The following CFAP206 variants were observed in gnomAD, a reference collection of about 807,000 sequenced individuals.
The protein encoded by CFAP206 is cilia- and flagella-associated protein 206.
CFAP206 carries 53 observed loss-of-function variants against 65.4 expected under a neutral mutation model. The observed-to-expected ratio is 0.81, with a 90% CI of 0.65 to 1.02. The LOEUF is 1.02. Ranked by LOEUF, CFAP206 falls within the 50% of genes least tolerant of loss-of-function variation. The pLI is 0.00. For synonymous variants in CFAP206, 250 were observed against 254.4 expected, an observed-to-expected ratio of 0.98 and a Z score of 0.17; for missense variants, 663 against 753.2, an observed-to-expected ratio of 0.88 and a Z score of 1.40.
intron 7 of CFAP206, among the ~76,000 whole-genome samples, chr6:87,422,055 A>G (rs1295680326): frequency 6.6e-6 from 1 of 152,170 alleles, no homozygotes; most frequent in Non-Finnish European, 1.5e-5. Flanking sequence ...GAAGAAGACA[A>G]AGAAACATGC....
intron 4 of CFAP206, among the ~76,000 whole-genome samples, chr6:87,415,316 ATATT>A (rs1217980827): frequency 2.0e-5 from 3 of 150,006 alleles, no homozygotes; most frequent in Non-Finnish European, 3.0e-5. Context: ...TAATATGTAT[ATATT>A]TATTTTTTCA....
intron 1 of CFAP206, chr6:87,408,430 CCTAG>C (rs1767664742): frequency 6.6e-6 from 1 of 152,280 alleles, no homozygotes; most frequent in Admixed American, 6.5e-5. Context: ...GAGCCGCGTC[CCTAG>C]CGACCCGGCA....
At position 87,464,140 on chromosome 6, in the gene CFAP206, A is replaced by C. The variant is rs1217710202; in HGVS notation, c.1759A>C (p.Ser587Arg). Reference sequence around the variant, plus strand: ...TAGCACCCAGTCCATGAGGGAAGACAGCACTGGGGTGCCCAGGCCTCAGAT... The same window carrying C: ...TAGCACCCAGTCCATGAGGGAAGACCGCACTGGGGTGCCCAGGCCTCAGAT... ...DTSTQSMRED[S>R]TGVPRPQIYL... The change falls in exon 13 of 13, where the codon AGC (serine) becomes CGC (arginine). Residue 587 changes from serine (S) to arginine (R), a missense_variant. By Grantham distance (110) the Ser-to-Arg change is moderately radical (BLOSUM62 -1). Transcript: ENST00000369562. 6.2e-7 allele frequency: 1 copy of C among 1,614,220 alleles called. No homozygotes were observed. The highest frequency in any genetic ancestry group is 1.7e-5 in the Admixed American group (1 of 60,020).
In CFAP206 at chr6:87,418,351, C is replaced by T. The variant is rs1276066927; in HGVS notation, c.775C>T (p.Pro259Ser). 3 of 1,613,964 alleles carry T rather than the reference C, an allele frequency of 1.9e-6. No homozygotes were observed. The highest frequency in any genetic ancestry group is 2.5e-6 in the Non-Finnish European group (3 of 1,180,040). ...CCCACTCATGAGGGCTGAACTTCAG[C>T]CATATATGTTAAAAGAAGCGCTATA... is the stretch of plus-strand genomic sequence containing the variant. ...NDPLMRAELQPYMLKEALYNI... is the reference protein window; with the variant it reads ...NDPLMRAELQSYMLKEALYNI... Residue 259 changes from proline to serine, a missense_variant, in exon 7 of 13, where the codon CCA becomes TCA. By Grantham distance (74) the Pro-to-Ser change is moderately conservative. Transcript: ENST00000369562.
At chr6:87,438,481 A>G (rs1361632321) in intron 11 of CFAP206, among the ~76,000 whole-genome samples, 1 of 150,038 alleles carries the variant, frequency 6.7e-6, no homozygotes, top group African/African-American at 2.5e-5. Flanking sequence ...AAAAAAAAAG[A>G]TCATTATTCT....
rs764413218 is a variant in CFAP206 at position 87,409,817 on chromosome 6, AATTG to A, written c.-5-17_-5-14del. On this transcript the variant is annotated splice_polypyrimidine_tract_variant and intron_variant, in intron 1 of 12. Coordinates refer to ENST00000369562, the MANE Select transcript of CFAP206 (RefSeq NM_001031743.3). Reference sequence around the variant, plus strand: ...ATAAAACCACGGTTTTTTTAAAAAAAATTGTTGTTTTATTTAGCCAGAATGCCTC... The same window carrying A: ...ATAAAACCACGGTTTTTTTAAAAAAATTGTTTTATTTAGCCAGAATGCCTC... 6 of 1,546,218 alleles carry A rather than the reference AATTG, an allele frequency of 3.9e-6. No homozygotes were observed. The highest frequency in any genetic ancestry group is 5.3e-6 in the Non-Finnish European group (6 of 1,133,570).
intron 11 of CFAP206, among the ~76,000 whole-genome samples, chr6:87,449,436 C>CAAA (rs34540279): frequency 6.2e-4 from 33 of 52,958 alleles, no homozygotes; most frequent in East Asian, 1.6e-3. Flanking sequence ...GACTCCATCT[C>CAAA]AAAAAAAAAA....
At chr6:87,449,206 G>T (rs988108529) in intron 11 of CFAP206, among the ~76,000 whole-genome samples, 1 of 152,186 alleles carries the variant, frequency 6.6e-6, no homozygotes, top group Non-Finnish European at 1.5e-5. Flanking sequence ...GGAGGCCGAG[G>T]TGGGCAGATT....
chr6:87,453,283 A>G (rs1424088891), intron 11 of CFAP206, among the ~76,000 whole-genome samples: 2 of 152,196 alleles, frequency 1.3e-5, no homozygotes, highest in Admixed American at 1.3e-4. Context: ...TCCCAGACAA[A>G]CAAAAGCTGA....
At chr6:87,439,583 AT>A (rs1451852985) in intron 11 of CFAP206, among the ~76,000 whole-genome samples, 1 of 151,724 alleles carries the variant, frequency 6.6e-6, no homozygotes, top group Non-Finnish European at 1.5e-5. Context: ...ATTTGTCATT[AT>A]TTTTTCTTCA....
chr6:87,449,221 G>A (rs760270304), intron 11 of CFAP206, among the ~76,000 whole-genome samples: 12 of 152,006 alleles, frequency 7.9e-5, no homozygotes, highest in Non-Finnish European at 1.8e-4. Flanking sequence ...CAGATTATGA[G>A]GTCAGGAGAT....
At chr6:87,430,115 AG>A (rs753608786) in intron 9 of CFAP206, among the ~76,000 whole-genome samples, 3 of 152,196 alleles carry the variant, frequency 2.0e-5, no homozygotes, top group Non-Finnish European at 4.4e-5. Flanking sequence ...TGGTCAAGCC[AG>A]TGTTGTTCTA....
chr6:87,431,712 G>A (rs573408975), intron 10 of CFAP206, among the ~76,000 whole-genome samples: 9 of 152,312 alleles, frequency 5.9e-5, no homozygotes, highest in African/African-American at 1.9e-4. Context: ...ATTGCAGCGA[G>A]CTGAGATAAC....
chr6:87,416,565 TAACTC>T, intron 5 of CFAP206, 99 bp from the exon 6 acceptor site: 1 of 982,926 alleles, frequency 1.0e-6, no homozygotes, highest in Non-Finnish European at 1.5e-6. Context: ...ATCATATAAG[TAACTC>T]AGACCCTTAA....
rs1412610499 is a variant in CFAP206 at position 87,455,564 on chromosome 6, C to CT, written c.1495-5451dup. On this transcript the variant is annotated intron_variant, in intron 11 of 12. Transcript: ENST00000369562. ...AAAAGATCAATAAAATGAAAAGGTA[C>CT]TTTTTTTAAGAAAAGATAAACAAAA... is the stretch of plus-strand genomic sequence containing the variant. Among the ~76,000 whole-genome samples the CT allele has an allele frequency of 9.2e-5, 14 of 152,014 alleles. No homozygotes were observed. The East Asian group carries it at 1.7e-3, about 19-fold the overall frequency.
intron 11 of CFAP206, among the ~76,000 whole-genome samples, chr6:87,438,648 C>A (rs1209359819): frequency 6.6e-6 from 1 of 151,766 alleles, no homozygotes; most frequent in Non-Finnish European, 1.5e-5. Flanking sequence ...TCCTTCATGG[C>A]CGATTTGCCA....
chr6:87,426,024 G>A (rs994440812), intron 7 of CFAP206: 1 of 153,266 alleles, frequency 6.5e-6, no homozygotes, highest in African/African-American at 2.4e-5. Context: ...TCAGTACAAG[G>A]ATTCTGGCAT....
chr6:87,460,416 T>C (rs1212147107), intron 11 of CFAP206, among the ~76,000 whole-genome samples: 1 of 152,230 alleles, frequency 6.6e-6, no homozygotes, highest in African/African-American at 2.4e-5. Flanking sequence ...CTATTTTCAA[T>C]TTCTATCCAT....
At chr6:87,418,078 T>C (rs1767866057) in intron 6 of CFAP206, 130 bp from the exon 7 acceptor site, 1 of 797,058 alleles carries the variant, frequency 1.3e-6, no homozygotes, top group Non-Finnish European at 2.0e-6. Flanking sequence ...AACACATGCC[T>C]CATTATTACT....
Sources: gnomAD v4.1 joint callset for allele counts (sites outside exome capture counted in the v4.1 genomes callset) on GRCh38, gnomAD v4.1.1 for gene constraint, MANE v1.5 for transcripts, NCBI Gene and HGNC (gene_info 2026-07-23, HGNC 2026-07-21) for gene names.